The following ARHGAP18 variants were observed in gnomAD, a reference collection of about 807,000 sequenced individuals.
ARHGAP18 encodes the protein Rho GTPase activating protein 18, also known as rho GTPase-activating protein 18.
ARHGAP18 carries 67 observed loss-of-function variants against 86.2 expected under a neutral mutation model. The observed-to-expected ratio is 0.78, with a 90% confidence interval of 0.64 to 0.95. ARHGAP18 has a LOEUF of 0.95. Among genes scored for constraint, ARHGAP18 ranks in the 40% least tolerant of loss-of-function variants. The probability of loss-of-function intolerance (pLI) is 0.00; values close to 1 mark genes in which losing one functional copy is unlikely to be tolerated. For synonymous variants in ARHGAP18, 283 were observed against 280.4 expected, an observed-to-expected ratio of 1.01 and a Z score of -0.09; for missense variants, 691 against 780.4, an observed-to-expected ratio of 0.89 and a Z score of 1.37.
chr6:129,682,369 C>T (rs1487803168), intron 1 of ARHGAP18, among the ~76,000 whole-genome samples: 2 of 152,180 alleles, frequency 1.3e-5, no homozygotes, highest in African/African-American at 4.8e-5. Flanking sequence ...CTCATTTCCC[C>T]GTGTTCTGAG....
chr6:129,669,338 A>T (rs1237001393), intron 1 of ARHGAP18, among the ~76,000 whole-genome samples: 2 of 151,782 alleles, frequency 1.3e-5, no homozygotes, highest in Non-Finnish European at 2.9e-5. Context: ...TGCCAGGCTA[A>T]TTTTTTTGTA....
intron 12 of ARHGAP18, among the ~76,000 whole-genome samples, chr6:129,584,663 G>C (rs925090741): frequency 6.6e-5 from 10 of 152,034 alleles, no homozygotes; most frequent in African/African-American, 2.4e-4. Flanking sequence ...TAAATCTTTT[G>C]CCCATGGATG....
At chr6:129,691,773 C>T (rs1239297240) in intron 1 of ARHGAP18, among the ~76,000 whole-genome samples, 1 of 152,182 alleles carries the variant, frequency 6.6e-6, no homozygotes, top group Admixed American at 6.5e-5. Context: ...ACCCACTGCC[C>T]AATCTGTTTT....
intron 1 of ARHGAP18, among the ~76,000 whole-genome samples, chr6:129,663,379 C>CT (rs1249131872): frequency 6.6e-6 from 1 of 152,158 alleles, no homozygotes; most frequent in Non-Finnish European, 1.5e-5. Flanking sequence ...CAGGCTTTTT[C>CT]TTTTTTTCTA....
chr6:129,630,374 GA>G (rs1369407018), intron 4 of ARHGAP18, among the ~76,000 whole-genome samples: 1 of 151,958 alleles, frequency 6.6e-6, no homozygotes, highest in Non-Finnish European at 1.5e-5. Context: ...GCAATTAACA[GA>G]AAAAAACCTA....
At position 129,584,205 on chromosome 6, in the gene ARHGAP18, C is replaced by T. The variant is rs543074858; in HGVS notation, c.1714-93G>A. ...ATATAGTAAGTGTGCTTAACTACTA[C>T]GCATTTTACTTCACTACATAAAAAC... On this transcript the variant is annotated intron_variant, in intron 12 of 14. Transcript: ENST00000368149. 779 of 1,499,248 alleles carry T rather than the reference C, an allele frequency of 5.2e-4. 2 individuals are homozygous for T. Among genetic ancestry groups the T allele is most frequent in the South Asian group, 2.8e-3 (209 of 75,454 alleles). 92.9% of individuals were successfully genotyped at this position (1,499,248 alleles called of 1,614,324 possible).
At chr6:129,691,427 A>T (rs551045595) in intron 1 of ARHGAP18, among the ~76,000 whole-genome samples, 1 of 152,300 alleles carries the variant, frequency 6.6e-6, no homozygotes, top group South Asian at 2.1e-4. Flanking sequence ...GCACTTTAAC[A>T]TTTTGCTGAG....
intron 1 of ARHGAP18, among the ~76,000 whole-genome samples, chr6:129,670,011 T>C (rs1244518939): frequency 6.6e-6 from 1 of 152,226 alleles, no homozygotes; most frequent in Non-Finnish European, 1.5e-5. Flanking sequence ...ACATTGCAAG[T>C]AGAAATTACA....
chr6:129,682,740 T>C (rs991805731), intron 1 of ARHGAP18, among the ~76,000 whole-genome samples: 1 of 152,182 alleles, frequency 6.6e-6, no homozygotes, highest in African/African-American at 2.4e-5. Context: ...AAACAACATG[T>C]TTAATGCCTT....
intron 1 of ARHGAP18, among the ~76,000 whole-genome samples, chr6:129,696,849 G>C (rs2114551753): frequency 6.6e-6 from 1 of 152,310 alleles, no homozygotes; most frequent in African/African-American, 2.4e-5. Flanking sequence ...CAGATACAAA[G>C]AGACTAGAAT....
At chr6:129,625,725 T>C (rs1789420601) in intron 5 of ARHGAP18, among the ~76,000 whole-genome samples, 2 of 58,598 alleles carry the variant, frequency 3.4e-5, no homozygotes, top group Admixed American at 3.2e-4. Flanking sequence ...TTATATATTA[T>C]ATATATTTAT....
chr6:129,643,650 A>C (rs1393089821), intron 1 of ARHGAP18, among the ~76,000 whole-genome samples: 1 of 151,868 alleles, frequency 6.6e-6, no homozygotes, highest in Non-Finnish European at 1.5e-5. Context: ...TTGCTATTCT[A>C]ATTTTCAGAT....
chr6:129,703,063 C>T lies in ARHGAP18; in HGVS notation c.113+6961G>A, dbSNP rs1346357034. Among the ~76,000 whole-genome samples the T allele has an allele frequency of 5.3e-5, 8 of 152,052 alleles. 1 individual carries two copies. The highest frequency in any genetic ancestry group is 4.6e-4 in the Admixed American group (7 of 15,272). ...AAGAAGACAGCCACAGGGCATGGACCTCACAGATTCATGAGCAAGGAGTAG... is the reference window on the plus strand; with the variant it reads ...AAGAAGACAGCCACAGGGCATGGACTTCACAGATTCATGAGCAAGGAGTAG... On this transcript the variant is annotated intron_variant, in intron 1 of 14. Transcript: ENST00000368149.
chr6:129,642,178 A>T (rs1206940114), intron 1 of ARHGAP18, among the ~76,000 whole-genome samples, 160 bp from the exon 2 acceptor site: 1 of 152,238 alleles, frequency 6.6e-6, no homozygotes, highest in Non-Finnish European at 1.5e-5. Flanking sequence ...TATGGATTAT[A>T]ATATGCTTGT....
Position 129,658,622 on chromosome 6 carries a change from G to C in ARHGAP18, c.114-16604C>G, listed in dbSNP as rs1773889188. Among the ~76,000 whole-genome samples the C allele has an allele frequency of 2.6e-5, 4 of 152,206 alleles. 1 individual carries two copies. The South Asian group carries it at 8.3e-4, about 32-fold the overall frequency. On this transcript the variant is annotated intron_variant, in intron 1 of 14. Transcript: ENST00000368149. ...TTCACTTTCCATTTCTAATCCCCTAGGTCATGGTAAAAAGAAAAACAATAT... is the reference window on the plus strand; with the variant it reads ...TTCACTTTCCATTTCTAATCCCCTACGTCATGGTAAAAAGAAAAACAATAT...
At chr6:129,685,005 C>T (rs888473114) in intron 1 of ARHGAP18, among the ~76,000 whole-genome samples, 1 of 152,138 alleles carries the variant, frequency 6.6e-6, no homozygotes, top group Admixed American at 6.6e-5. Context: ...AATAGAGAAA[C>T]GTCATTACTG....
At chr6:129,604,601 G>A (rs1788815418) in intron 10 of ARHGAP18, among the ~76,000 whole-genome samples, 1 of 150,222 alleles carries the variant, frequency 6.7e-6, no homozygotes, top group African/African-American at 2.5e-5. Flanking sequence ...ACTTTGTCCT[G>A]GGCCATATGT....
intron 1 of ARHGAP18, among the ~76,000 whole-genome samples, chr6:129,642,684 A>G (rs1773494519): frequency 6.6e-6 from 1 of 152,240 alleles, no homozygotes; most frequent in Non-Finnish European, 1.5e-5. Context: ...TGAATTTTAT[A>G]TAATTCTTGT....
intron 13 of ARHGAP18, among the ~76,000 whole-genome samples, chr6:129,581,085 A>G (rs1177535776): frequency 5.3e-5 from 8 of 152,224 alleles, no homozygotes; most frequent in Non-Finnish European, 1.2e-4. Flanking sequence ...CAAATGCTCT[A>G]TAGTGGATTC....
Sources: gnomAD v4.1 joint callset for allele counts (sites outside exome capture counted in the v4.1 genomes callset) on GRCh38, gnomAD v4.1.1 for gene constraint, MANE v1.5 for transcripts, NCBI Gene and HGNC (gene_info 2026-07-23, HGNC 2026-07-21) for gene names.